Variants in CEP112 observed in about 807,000 individuals in gnomAD.
CEP112 encodes centrosomal protein of 112 kDa.
Under a neutral mutation model 153.0 loss-of-function variants are expected in CEP112, and 127 were observed. The observed-to-expected ratio is 0.83, with a 90% CI of 0.72 to 0.96. The LOEUF is 0.96. CEP112 is among the 40% of genes least tolerant of loss of function. The pLI, the probability that CEP112 is intolerant of heterozygous loss-of-function variation, is 0.00. For missense variants in CEP112, 1,089 were observed against 1,101.2 expected, an observed-to-expected ratio of 0.99 and a Z score of 0.16; for synonymous variants, 358 against 374.4, an observed-to-expected ratio of 0.96 and a Z score of 0.51.
chr17:65,678,685 T>G (rs1598289793), intron 24 of CEP112, among the ~76,000 whole-genome samples: 1 of 152,158 alleles, frequency 6.6e-6, no homozygotes, highest in Non-Finnish European at 1.5e-5. Flanking sequence ...CAGTATTCAT[T>G]GCAGGGACGA....
chr17:65,852,026 G>C lies in CEP112; in HGVS notation c.2172C>G (p.Ala724=). 6.2e-7 allele frequency: 1 copy of C among 1,601,244 alleles called. No homozygotes were observed. The change falls in exon 21 of 27, where the codon GCC becomes GCG. Residue 724 remains alanine (A), a synonymous_variant. Transcript: ENST00000535342. The stretch of plus-strand genomic sequence containing the variant: ...ACTTGTGAACCTGGGCCTCCATGTC[G>C]GCAATAACCTTGTTTTTAAAAATGG... ...EFKKRDAQVI[A]DMEAQVHKLR...
At chr17:65,982,864 G>A (rs980034708) in intron 17 of CEP112, among the ~76,000 whole-genome samples, 1 of 152,262 alleles carries the variant, frequency 6.6e-6, no homozygotes, top group East Asian at 1.9e-4. Context: ...ACACACAATG[G>A]AATATAATTC....
intron 23 of CEP112, among the ~76,000 whole-genome samples, chr17:65,708,897 A>T (rs748887211): frequency 7.9e-5 from 12 of 152,160 alleles, no homozygotes; most frequent in Non-Finnish European, 1.6e-4. Context: ...TCACACACCA[A>T]TGTCCCTAAT....
intron 17 of CEP112, among the ~76,000 whole-genome samples, chr17:65,972,254 T>C (rs1014269077): frequency 1.3e-5 from 2 of 151,956 alleles, no homozygotes; most frequent in African/African-American, 4.8e-5. Context: ...ATCTGGGAAA[T>C]CCCCAAATAT....
intron 23 of CEP112, among the ~76,000 whole-genome samples, chr17:65,715,361 G>C (rs900484629): frequency 1.3e-5 from 2 of 152,026 alleles, no homozygotes; most frequent in African/African-American, 4.8e-5. Flanking sequence ...AAAGAATAGA[G>C]AGAAAAACAA....
intron 2 of CEP112, 137 bp from the exon 3 acceptor site, chr17:66,177,157 T>C (rs2072515825): frequency 4.7e-6 from 3 of 635,152 alleles, no homozygotes; most frequent in African/African-American, 1.8e-5. Flanking sequence ...AGAGAGTATA[T>C]ACTTTAGGCT....
chr17:65,775,048 C>T (rs184643313), intron 21 of CEP112, among the ~76,000 whole-genome samples: 9 of 152,004 alleles, frequency 5.9e-5, no homozygotes, highest in Admixed American at 3.3e-4. Flanking sequence ...GGCGAGTGGG[C>T]GGGAACATGA....
intron 21 of CEP112, among the ~76,000 whole-genome samples, chr17:65,777,198 C>T (rs1238457000): frequency 6.6e-6 from 1 of 152,176 alleles, no homozygotes; most frequent in Non-Finnish European, 1.5e-5. Flanking sequence ...ACTTCCCACT[C>T]CTCATTCTGA....
At chr17:65,926,392 T>G (rs1599036032) in intron 19 of CEP112, among the ~76,000 whole-genome samples, 1 of 152,130 alleles carries the variant, frequency 6.6e-6, no homozygotes, top group African/African-American at 2.4e-5. Context: ...GCAAAGGCTA[T>G]AAAGGTACCA....
At chr17:65,892,578 C>T (rs2059507204) in intron 20 of CEP112, among the ~76,000 whole-genome samples, 1 of 151,744 alleles carries the variant, frequency 6.6e-6, no homozygotes. Context: ...ATCACAGGAG[C>T]GCATTTCCAA....
intron 24 of CEP112, among the ~76,000 whole-genome samples, chr17:65,678,229 G>C (rs987237576): frequency 5.9e-5 from 9 of 152,072 alleles, no homozygotes; most frequent in Non-Finnish European, 1.2e-4. Context: ...CTTAGTAGCT[G>C]TCAGAACAGG....
At chr17:65,884,706 C>CTTTTTTTTTTTTTTTTTTTTTTTTTTTT (rs11370374) in intron 20 of CEP112, among the ~76,000 whole-genome samples, 4 of 130,660 alleles carry the variant, frequency 3.1e-5, no homozygotes, top group South Asian at 2.4e-4. Context: ...TTTGTAGTTT[C>CTTTTTTTTTTTTTTTTTTTTTTTTTTTT]TTTTTTTTTT....
chr17:66,021,726 G>C (rs1165711575), intron 16 of CEP112, among the ~76,000 whole-genome samples: 1 of 152,134 alleles, frequency 6.6e-6, no homozygotes, highest in Non-Finnish European at 1.5e-5. Flanking sequence ...TGTCAGGGCT[G>C]GTGCTTGTGC....
At chr17:65,645,453 G>A (rs2045381626) in intron 24 of CEP112, among the ~76,000 whole-genome samples, 1 of 152,018 alleles carries the variant, frequency 6.6e-6, no homozygotes, top group African/African-American at 2.4e-5. Flanking sequence ...TCCTTGGATG[G>A]TTTTAGTTAT....
rs61108676 is a variant in CEP112 at position 66,045,077 on chromosome 17, ATT to A, written c.1218+8657_1218+8658del. Among the ~76,000 whole-genome samples, 28 of 136,562 alleles carry A rather than the reference ATT, an allele frequency of 2.1e-4. No homozygotes were observed. In the South Asian group the frequency reaches 3.0e-3, roughly 15 times the overall value. 89.6% of individuals were successfully genotyped at this position (136,562 alleles called of 152,430 possible). A position where few individuals can be genotyped will look rare whatever the true frequency, so the allele number is the denominator to read the frequency against. On this transcript the variant is annotated intron_variant, in intron 12 of 26. Coordinates refer to ENST00000535342, the MANE Select transcript of CEP112 (RefSeq NM_001199165.4). ...TTTTCAAGCTAGAAACAAAAAAAAA[ATT>A]TTTTTTTTTGAAACAGGGTCACACT...
At chr17:65,780,249 C>T (rs2145617232) in intron 21 of CEP112, among the ~76,000 whole-genome samples, 1 of 152,192 alleles carries the variant, frequency 6.6e-6, no homozygotes. Context: ...GATTTACATG[C>T]ATTTCCCCAC....
In CEP112 at chr17:65,971,788, C is replaced by G. The variant is rs138506199; in HGVS notation, c.1737-10190G>C. The stretch of plus-strand genomic sequence containing the variant: ...AAAGCTGGAGTCGTGATATTAATAC[C>G]AGACAAAGCCTATTCCAGGGCAAAG... On this transcript the variant is annotated intron_variant, in intron 17 of 26. Transcript: ENST00000535342. Among the ~76,000 whole-genome samples the G allele has an allele frequency of 3.3e-5, 5 of 152,214 alleles. No individual in the cohort carries two copies. In the East Asian group the frequency reaches 9.6e-4, roughly 29 times the overall value.
intron 19 of CEP112, among the ~76,000 whole-genome samples, chr17:65,917,023 G>A (rs1481470723): frequency 1.3e-5 from 2 of 152,202 alleles, no homozygotes; most frequent in East Asian, 3.9e-4. Flanking sequence ...CCTGGACACA[G>A]GGGCCCAGGC....
intron 16 of CEP112, among the ~76,000 whole-genome samples, chr17:66,009,709 T>C (rs967509700): frequency 8.5e-5 from 13 of 152,324 alleles, no homozygotes; most frequent in Non-Finnish European, 1.9e-4. Flanking sequence ...GCACCATTCA[T>C]TGAATAGGGA....
Sources: allele counts gnomAD v4.1 joint callset (sites outside exome capture counted in the v4.1 genomes callset), GRCh38; gene constraint gnomAD v4.1.1; transcripts MANE v1.5; gene names NCBI Gene and HGNC (gene_info 2026-07-23, HGNC 2026-07-21).